Variants in ZNF226 observed in about 807,000 individuals in gnomAD.
ZNF226 encodes the protein zinc finger protein 226, also known as Kruppel-associated box protein.
ZNF226 carries 6 observed loss-of-function variants against 11.4 expected under a neutral mutation model. The observed-to-expected ratio is 0.53, with a 90% confidence interval of 0.29 to 1.04. The LOEUF (loss-of-function observed/expected upper bound fraction) is 1.04, where lower values mean the gene tolerates loss of function less well. Ranked by LOEUF, ZNF226 falls within the 50% of genes least tolerant of loss-of-function variation. The pLI is 0.08. For synonymous variants in ZNF226, 350 were observed against 322.8 expected (o/e 1.08, Z -0.90); for missense variants, 1,058 against 956.5 (o/e 1.11, Z -1.40).
chr19:44,188,071 G>C, the ZNF226 span, among the ~76,000 whole-genome samples: 21,236 of 152,068 alleles, frequency 0.14, 3,764 homozygotes, highest in African/African-American at 0.41. Flanking sequence ...AATGTTTCAT[G>C]CACACTTGAG....
At chr19:44,174,042 G>A (rs1483585765) in intron 5 of ZNF226, 1 of 152,158 alleles carries the variant, frequency 6.6e-6, no homozygotes, top group Non-Finnish European at 1.5e-5. Context: ...CTTCCATGGA[G>A]GTAACTAATA....
chr19:44,165,807 T>C lies in ZNF226; in HGVS notation c.-47T>C, dbSNP rs1105561. 67,165 of 152,114 alleles carry C rather than the reference T, an allele frequency of 0.44. 16,674 individuals carry two copies. The highest frequency in any genetic ancestry group is 0.65 in the South Asian group (3,144 of 4,826). The allele number at this position is 152,114 out of a possible 1,614,324, so 9.4% of individuals were successfully genotyped here. A position where few individuals can be genotyped will look rare whatever the true frequency, so the allele number is the denominator to read the frequency against. ...CAGAGGAGGAGGCAGCAGAACCCCA[T>C]GTGAGTAAGACTTGTTGTTATTCTT... is the stretch of plus-strand genomic sequence containing the variant. On this transcript the variant is annotated splice_region_variant and 5_prime_UTR_variant, in exon 2 of 6. Coordinates refer to ENST00000337433, the MANE Select transcript of ZNF226 (RefSeq NM_001032373.2).
the ZNF226 span, among the ~76,000 whole-genome samples, chr19:44,186,960 G>A: frequency 6.6e-6 from 1 of 151,114 alleles, no homozygotes; most frequent in Admixed American, 6.6e-5. Flanking sequence ...AATTATACCA[G>A]GTATAAATCT....
chr19:44,170,564 C>T (rs1969968366), intron 3 of ZNF226, among the ~76,000 whole-genome samples: 1 of 152,106 alleles, frequency 6.6e-6, no homozygotes, highest in Non-Finnish European at 1.5e-5. Flanking sequence ...GAAACCCCAT[C>T]TCTACTAAAA....
Position 44,175,586 on chromosome 19 carries a change from A to G in ZNF226, c.324A>G (p.Ala108=). The change falls in exon 6 of 6, where the codon GCA becomes GCG. Residue 108 remains alanine (A), a synonymous_variant. Transcript: ENST00000337433. ...LSCWQIWQQI[A]NDLTRCQDSM... ...GTTGGCAAATCTGGCAACAAATTGC[A>G]AATGACTTAACCAGGTGTCAAGACT... 6.2e-7 allele frequency: 1 copy of G among 1,613,402 alleles called. No homozygotes were observed. The highest frequency in any genetic ancestry group is 8.5e-7 in the Non-Finnish European group (1 of 1,179,714).
Position 44,173,220 on chromosome 19 carries a change from C to G in ZNF226, c.235+268C>G, listed in dbSNP as rs890769574. ...CTTATTTTACATAGAGTAAAATCCA[C>G]TTAATGTGGCTGACAGAGTCTTACA... On this transcript the variant is annotated intron_variant, in intron 5 of 5. Coordinates refer to ENST00000337433, the MANE Select transcript of ZNF226 (RefSeq NM_001032373.2). The G allele has an allele frequency of 1.7e-5, 9 of 528,036 alleles. No individual in the cohort carries two copies. In the Middle Eastern group the frequency reaches 1.4e-3, roughly 83 times the overall value. The allele number at this position is 528,036 out of a possible 1,614,324, so 32.7% of individuals were successfully genotyped here.
chr19:44,173,813 A>G (rs1970396955), intron 5 of ZNF226: 1 of 151,894 alleles, frequency 6.6e-6, no homozygotes, highest in Non-Finnish European at 1.5e-5. Context: ...CATTCTCTCC[A>G]TTTACTCTCT....
At chr19:44,186,077 G>C in the ZNF226 span, among the ~76,000 whole-genome samples, 19 of 151,832 alleles carry the variant, frequency 1.3e-4, no homozygotes, top group Non-Finnish European at 2.1e-4. Flanking sequence ...TATATGCAGG[G>C]GTTTATTTCT....
At chr19:44,168,772 G>A (rs1969702563) in intron 2 of ZNF226, among the ~76,000 whole-genome samples, 1 of 152,008 alleles carries the variant, frequency 6.6e-6, no homozygotes, top group Non-Finnish European at 1.5e-5. Flanking sequence ...TAAAATGTCT[G>A]CCAGGTTACC....
downstream of ZNF226, among the ~76,000 whole-genome samples, chr19:44,182,340 C>A (rs930033040): frequency 6.8e-6 from 1 of 146,480 alleles, no homozygotes; most frequent in African/African-American, 2.7e-5. Flanking sequence ...ACACGTGATG[C>A]GCGCGCGCGC....
rs1216452710 is a variant in ZNF226 at position 44,176,938 on chromosome 19, T to C, written c.1676T>C (p.Phe559Ser). 1.9e-6 allele frequency: 3 copies of C among 1,612,540 alleles called. No individual in the cohort carries two copies. The highest frequency in any genetic ancestry group is 2.5e-6 in the Non-Finnish European group (3 of 1,179,432). Residue 559 changes from phenylalanine (F) to serine (S), a missense_variant, in exon 6 of 6, where the codon TTT (phenylalanine) becomes TCT (serine). By Grantham distance (155) the Phe-to-Ser change is radical. Transcript: ENST00000337433. ...HQKAHSIEKPFKCEECGQGFN... is the reference protein window; with the variant it reads ...HQKAHSIEKPSKCEECGQGFN... ...AAGGCCCACAGTATAGAGAAACCTT[T>C]TAAGTGTGAGGAGTGTGGGCAGGGT...
intron 2 of ZNF226, among the ~76,000 whole-genome samples, chr19:44,166,017 C>T (rs1969329191): frequency 6.6e-6 from 1 of 152,170 alleles, no homozygotes; most frequent in Non-Finnish European, 1.5e-5. Context: ...AAGAACATAA[C>T]TTGTTTGCTC....
rs374027023 is a variant in ZNF226, at chr19:44,175,851, T to C, written c.589T>C (p.Cys197Arg). 210 of 1,613,528 alleles carry C rather than the reference T, an allele frequency of 1.3e-4. 1 individual carries two copies. Among genetic ancestry groups the C allele is most frequent in the Admixed American group, 3.2e-4 (19 of 59,960 alleles). Reference protein sequence around the residue: ...DQQISIKNKLCQCKKGVDPIG... With the variant: ...DQQISIKNKLRQCKKGVDPIG... ...GCAAATTTCCATAAAAAATAAATTATGTCAATGTAAGAAGGGTGTTGATCC... is the reference window on the plus strand; with the variant it reads ...GCAAATTTCCATAAAAAATAAATTACGTCAATGTAAGAAGGGTGTTGATCC... Residue 197 changes from cysteine (C) to arginine (R), a missense_variant, in exon 6 of 6, where the codon TGT becomes CGT. Cys to Arg is a radical substitution (Grantham distance 180). Coordinates refer to ENST00000337433, the MANE Select transcript of ZNF226 (RefSeq NM_001032373.2).
At chr19:44,192,325 A>G in the ZNF226 span, among the ~76,000 whole-genome samples, 2 of 152,148 alleles carry the variant, frequency 1.3e-5, no homozygotes, top group African/African-American at 2.4e-5. Context: ...AAGCAAGAGG[A>G]GTGAGAGGTG....
chr19:44,175,036 T>C, intron 5 of ZNF226: 1 of 1,611,696 alleles, frequency 6.2e-7, no homozygotes, highest in Middle Eastern at 1.7e-4. Context: ...AAACTTAAAC[T>C]TGGATTTGAA....
chr19:44,176,848 A>G lies in ZNF226; in HGVS notation c.1586A>G (p.Lys529Arg). The G allele has an allele frequency of 6.2e-7, 1 of 1,614,132 alleles. No homozygotes were observed. The highest frequency in any genetic ancestry group is 2.2e-5 in the East Asian group (1 of 44,860). ...CATCTAGTGGTCCACACAGGAGAGA[A>G]ACCCTATAAATGTGAGATATGTGGG... ...QVHLVVHTGE[K>R]PYKCEICGKG... The change falls in exon 6 of 6, where the codon AAA (lysine) becomes AGA (arginine). Residue 529 changes from lysine (K) to arginine (R), a missense_variant. By Grantham distance (26) the Lys-to-Arg change is conservative. Coordinates refer to ENST00000337433, the MANE Select transcript of ZNF226 (RefSeq NM_001032373.2).
chr19:44,165,184 T>C (rs976227331), intron 1 of ZNF226, 42 bp downstream of exon 1: 3 of 152,138 alleles, frequency 2.0e-5, no homozygotes, highest in Non-Finnish European at 2.9e-5. Flanking sequence ...CGAAATGCAC[T>C]TGTGGTCAGC....
chr19:44,188,601 T>C, the ZNF226 span, among the ~76,000 whole-genome samples: 4 of 152,314 alleles, frequency 2.6e-5, no homozygotes, highest in South Asian at 4.1e-4. Flanking sequence ...TGAGTATCCA[T>C]GGATTTTGGT....
chr19:44,178,426 G>GT (rs1970853428), downstream of ZNF226: 1 of 152,134 alleles, frequency 6.6e-6, no homozygotes, highest in South Asian at 2.1e-4. Context: ...TTGATCATTG[G>GT]TTTTTTCACA....
Sources: gnomAD v4.1 joint callset for allele counts (sites outside exome capture counted in the v4.1 genomes callset) on GRCh38, gnomAD v4.1.1 for gene constraint, MANE v1.5 for transcripts, NCBI Gene and HGNC (gene_info 2026-07-23, HGNC 2026-07-21) for gene names.